The following TANC1 variants were observed in gnomAD, a reference collection of about 807,000 sequenced individuals.
TANC1 encodes the protein protein TANC1.
A neutral mutation model predicts 149.7 loss-of-function variants in TANC1; 77 were observed. That is an observed-to-expected ratio of 0.51 (90% CI 0.43 to 0.62). The LOEUF (loss-of-function observed/expected upper bound fraction) is 0.62. Among genes scored for constraint, TANC1 ranks in the 20% least tolerant of loss-of-function variants. The pLI is 0.00. For synonymous variants in TANC1, 854 were observed against 925.0 expected (o/e 0.92, Z 1.39); for missense variants, 1,985 against 2,321.8 (o/e 0.85, Z 2.98).
At chr2:159,206,697 G>C (rs1227359255) in intron 19 of TANC1, among the ~76,000 whole-genome samples, 1 of 152,198 alleles carries the variant, frequency 6.6e-6, no homozygotes, top group Non-Finnish European at 1.5e-5. Flanking sequence ...GTTTCTTCTT[G>C]AAATGATATT....
At chr2:159,008,216 G>A (rs1228367140) in intron 2 of TANC1, among the ~76,000 whole-genome samples, 1 of 152,172 alleles carries the variant, frequency 6.6e-6, no homozygotes, top group Non-Finnish European at 1.5e-5. Flanking sequence ...TGCAAACTAT[G>A]CAAGCATTAC....
chr2:159,003,968 T>A (rs2036883117), intron 2 of TANC1: 1 of 1,612,310 alleles, frequency 6.2e-7, no homozygotes, highest in African/African-American at 1.3e-5. Flanking sequence ...GCTTCAGAGT[T>A]CTCTAAAAAA....
At chr2:159,016,357 CA>C (rs1329724684) in intron 2 of TANC1, among the ~76,000 whole-genome samples, 1 of 152,162 alleles carries the variant, frequency 6.6e-6, no homozygotes, top group Non-Finnish European at 1.5e-5. Flanking sequence ...GTCTCTCCCA[CA>C]ACACGTGGGA....
At chr2:159,143,993 T>C (rs1391231723) in intron 5 of TANC1, among the ~76,000 whole-genome samples, 1 of 151,394 alleles carries the variant, frequency 6.6e-6, no homozygotes, top group African/African-American at 2.4e-5. Context: ...TAAATGTCAA[T>C]AGACATAACC....
chr2:159,216,093 T>C (rs564911001), intron 19 of TANC1, among the ~76,000 whole-genome samples: 2 of 152,306 alleles, frequency 1.3e-5, no homozygotes, highest in South Asian at 4.1e-4. Context: ...GCAGCCACCA[T>C]GCACCTTTCT....
chr2:159,099,592 T>C lies in TANC1; in HGVS notation c.259+1758T>C, dbSNP rs559388334. On this transcript the variant is annotated intron_variant, in intron 4 of 26. Transcript: ENST00000263635. ...TTTCTCCTAGGTCTGTGTGTGTGTG[T>C]GCGCACACATTTTCTTGTAAAATCC... Among the ~76,000 whole-genome samples the C allele has an allele frequency of 3.1e-4, 47 of 152,208 alleles. No homozygotes were observed. The South Asian group carries it at 6.8e-3, about 22-fold the overall frequency.
intron 2 of TANC1, among the ~76,000 whole-genome samples, chr2:159,052,276 C>T (rs1288468397): frequency 6.6e-6 from 1 of 152,082 alleles, no homozygotes; most frequent in Non-Finnish European, 1.5e-5. Flanking sequence ...TCCTGTCATG[C>T]CAGGCCTGGT....
At chr2:159,045,894 A>G (rs2041002752) in intron 2 of TANC1, among the ~76,000 whole-genome samples, 1 of 152,214 alleles carries the variant, frequency 6.6e-6, no homozygotes, top group South Asian at 2.1e-4. Context: ...AATGACATGG[A>G]AGAGGAATTT....
chr2:159,093,072 T>C (rs2045714838), intron 3 of TANC1, among the ~76,000 whole-genome samples: 1 of 152,096 alleles, frequency 6.6e-6, no homozygotes, highest in Non-Finnish European at 1.5e-5. Context: ...CTGTCTGTGG[T>C]GTGTAAATGT....
At chr2:159,171,682 C>T (rs776183457) in intron 10 of TANC1, among the ~76,000 whole-genome samples, 1 of 151,834 alleles carries the variant, frequency 6.6e-6, no homozygotes, top group Non-Finnish European at 1.5e-5. Context: ...CATGGTAAAA[C>T]CCCGTCTCTA....
At chr2:159,149,865 T>G in intron 6 of TANC1, 1 of 166,862 alleles carries the variant, frequency 6.0e-6, no homozygotes, top group Non-Finnish European at 1.3e-5. Context: ...CAAGGGAGGG[T>G]GTCATGCATT....
At chr2:159,209,432 G>T (rs1362297348) in intron 19 of TANC1, among the ~76,000 whole-genome samples, 1 of 152,190 alleles carries the variant, frequency 6.6e-6, no homozygotes, top group Non-Finnish European at 1.5e-5. Flanking sequence ...ATGAAATTTG[G>T]CTTCTGTAAA....
In TANC1 at chr2:159,174,967, C is replaced by G; in HGVS notation, c.1518C>G (p.His506Gln). Reference protein sequence around the residue: ...KYLASKVVAYHYCQADNTYTC... With the variant: ...KYLASKVVAYQYCQADNTYTC... Reference sequence around the variant, plus strand: ...CTTCCCCCTAGGTGGTGGCCTACCACTACTGCCAGGCTGACAACACGTACA... The same window carrying G: ...CTTCCCCCTAGGTGGTGGCCTACCAGTACTGCCAGGCTGACAACACGTACA... Residue 506 changes from histidine to glutamine, a missense_variant, in exon 12 of 27, where the codon CAC becomes CAG. Transcript: ENST00000263635. 6.2e-7 allele frequency: 1 copy of G among 1,613,904 alleles called. No individual in the cohort carries two copies. Among genetic ancestry groups the G allele is most frequent in the Non-Finnish European group, 8.5e-7 (1 of 1,179,848 alleles).
At chr2:159,081,401 C>T (rs534824270) in intron 3 of TANC1, among the ~76,000 whole-genome samples, 1 of 151,894 alleles carries the variant, frequency 6.6e-6, no homozygotes, top group South Asian at 2.1e-4. Flanking sequence ...GCCCCACTGC[C>T]ATCTAGTAGG....
chr2:158,984,624 C>T (rs1028964784), intron 1 of TANC1, among the ~76,000 whole-genome samples: 1 of 151,906 alleles, frequency 6.6e-6, no homozygotes, highest in Non-Finnish European at 1.5e-5. Flanking sequence ...TCTGAGGAGA[C>T]AAGTGCACAC....
At position 159,035,545 on chromosome 2, in the gene TANC1, G is replaced by A. The variant is rs371758961; in HGVS notation, c.-15-30351G>A. ...TCTCAAGGCATAGTTTCTTTTCTGC[G>A]TCTGATAGGTGATCTCGCTGTAGTT... On this transcript the variant is annotated intron_variant, in intron 2 of 26. Transcript: ENST00000263635. Among the ~76,000 whole-genome samples the A allele has an allele frequency of 6.8e-4, 103 of 152,244 alleles. 2 individuals are homozygous for A. In the South Asian group the frequency reaches 0.017, roughly 26 times the overall value.
At chr2:159,225,422 G>T in intron 23 of TANC1, 1 of 537,322 alleles carries the variant, frequency 1.9e-6, no homozygotes. Context: ...ATCCCACCCG[G>T]AAGGGAGGAA....
At chr2:159,078,934 G>T (rs569895914) in intron 3 of TANC1, among the ~76,000 whole-genome samples, 7 of 151,876 alleles carry the variant, frequency 4.6e-5, no homozygotes, top group Admixed American at 1.3e-4. Context: ...AAAACTTCAG[G>T]CATGATAGTG....
intron 2 of TANC1, among the ~76,000 whole-genome samples, chr2:159,026,456 A>G (rs796793317): frequency 7.2e-5 from 11 of 151,736 alleles, no homozygotes; most frequent in African/African-American, 2.4e-4. Flanking sequence ...GTTCCTCTCA[A>G]TTTCTCCTAC....
Sources: allele counts gnomAD v4.1 joint callset (sites outside exome capture counted in the v4.1 genomes callset), GRCh38; gene constraint gnomAD v4.1.1; transcripts MANE v1.5; gene names NCBI Gene and HGNC (gene_info 2026-07-23, HGNC 2026-07-21).